RERE: variants seen among roughly 807,000 people sequenced by gnomAD.
RERE encodes arginine-glutamic acid dipeptide repeats protein.
RERE carries 40 observed loss-of-function variants against 146.1 expected under a neutral mutation model. The ratio of observed to expected loss-of-function variants is 0.27; its 90% CI spans 0.21 to 0.36. The LOEUF is 0.36. Ranked by LOEUF, RERE falls within the 10% of genes least tolerant of loss-of-function variation. RERE has a pLI of 1.00. For synonymous variants in RERE, 1,003 were observed against 866.0 expected (o/e 1.16, Z -2.78); for missense variants, 1,933 against 2,138.7 (o/e 0.90, Z 1.90).
chr1:8,483,312 T>G (rs1644859529), intron 10 of RERE, among the ~76,000 whole-genome samples: 1 of 152,182 alleles, frequency 6.6e-6, no homozygotes, highest in East Asian at 1.9e-4. Context: ...CTCACATGCT[T>G]AGGGAAAACT....
intron 11 of RERE, among the ~76,000 whole-genome samples, chr1:8,458,703 C>CT (rs1349202139): frequency 1.3e-5 from 2 of 152,040 alleles, no homozygotes; most frequent in East Asian, 3.8e-4. Flanking sequence ...GTTAAAGACA[C>CT]TAAGAAAAGA....
intron 7 of RERE, among the ~76,000 whole-genome samples, chr1:8,521,634 C>T (rs1399074982): frequency 6.6e-6 from 1 of 152,124 alleles, no homozygotes; most frequent in Non-Finnish European, 1.5e-5. Flanking sequence ...CTAATCTTTA[C>T]AAAAACTGTA....
At chr1:8,505,225 AAGAG>A (rs1020361310) in intron 8 of RERE, among the ~76,000 whole-genome samples, 18 of 152,218 alleles carry the variant, frequency 1.2e-4, no homozygotes, top group African/African-American at 7.2e-5. Flanking sequence ...AATATAAAGA[AAGAG>A]AGAAAGATAC....
intron 3 of RERE, among the ~76,000 whole-genome samples, chr1:8,615,268 A>C (rs1340941400): frequency 6.6e-6 from 1 of 152,220 alleles, no homozygotes; most frequent in Non-Finnish European, 1.5e-5. Context: ...GACAATATTC[A>C]CATGAGTTAT....
chr1:8,736,650 T>A (rs761957411), intron 1 of RERE, among the ~76,000 whole-genome samples: 4 of 152,080 alleles, frequency 2.6e-5, no homozygotes, highest in Non-Finnish European at 5.9e-5. Context: ...TTGGCTTATA[T>A]CATAGAAGAA....
At chr1:8,680,017 G>A (rs533068660) in intron 1 of RERE, among the ~76,000 whole-genome samples, 6 of 152,104 alleles carry the variant, frequency 3.9e-5, no homozygotes, top group Non-Finnish European at 8.8e-5. Flanking sequence ...CTATGGTACT[G>A]CCTTCAAAAT....
At chr1:8,657,158 A>C (rs1472391417) in intron 1 of RERE, among the ~76,000 whole-genome samples, 1 of 152,062 alleles carries the variant, frequency 6.6e-6, no homozygotes, top group Non-Finnish European at 1.5e-5. Context: ...AACAAAAATT[A>C]GCTGGGTGTG....
At chr1:8,787,029 T>C in intron 1 of RERE, 2 of 561,492 alleles carry the variant, frequency 3.6e-6, no homozygotes, top group Non-Finnish European at 6.3e-6. Flanking sequence ...ACACACCTGA[T>C]GAAAACCTTC....
At position 8,423,602 on chromosome 1, in the gene RERE, G is replaced by C; in HGVS notation, c.1204-795C>G. 1 of 985,232 alleles carries C rather than the reference G, an allele frequency of 1.0e-6. No individual in the cohort carries two copies. The highest frequency in any genetic ancestry group is 1.1e-4 in the East Asian group (1 of 8,768). The allele number at this position is 985,232 out of a possible 1,614,324, so 61.0% of individuals were successfully genotyped here. A position where few individuals can be genotyped will look rare whatever the true frequency, so the allele number is the denominator to read the frequency against. ...TGGTCCCGGGCGGCCGACCCCAGCA[G>C]CCACAGGTAAGCGCCCGGGGTCCGG... On this transcript the variant is annotated intron_variant, in intron 11 of 22. Transcript: ENST00000400908. This position sits in a 1 kb window ranked among gnomAD's most constrained non-coding sequence, Gnocchi z 5.4.
At chr1:8,582,966 A>G (rs1200078550) in intron 4 of RERE, among the ~76,000 whole-genome samples, 1 of 152,216 alleles carries the variant, frequency 6.6e-6, no homozygotes, top group Non-Finnish European at 1.5e-5. Flanking sequence ...AGACTAGATC[A>G]TATCAATGGG....
At chr1:8,486,126 T>C (rs1298740921) in intron 10 of RERE, among the ~76,000 whole-genome samples, 6 of 152,134 alleles carry the variant, frequency 3.9e-5, no homozygotes, top group Non-Finnish European at 7.4e-5. Context: ...CTTTCATACA[T>C]GTCTCTCAGT....
At chr1:8,500,374 T>C (rs1335120721) in intron 8 of RERE, among the ~76,000 whole-genome samples, 1 of 152,246 alleles carries the variant, frequency 6.6e-6, no homozygotes, top group Non-Finnish European at 1.5e-5. Flanking sequence ...AAATGCCTCT[T>C]AATCATAAGA....
intron 8 of RERE, among the ~76,000 whole-genome samples, chr1:8,505,097 T>G (rs1446631269): frequency 6.6e-6 from 1 of 152,162 alleles, no homozygotes; most frequent in Non-Finnish European, 1.5e-5. Flanking sequence ...TGAAATAGCT[T>G]CTTTACCACA....
rs116874809 is a variant in RERE at position 8,710,321 on chromosome 1, T to C, written c.-144-53880A>G. On this transcript the variant is annotated intron_variant, in intron 1 of 22. Transcript: ENST00000400908. ...GAATATACTGTTGCAGTCTACGTAA[T>C]ATACTCTTGAAAAATAACTAGAAAT... is the stretch of plus-strand genomic sequence containing the variant. Among the ~76,000 whole-genome samples the C allele has an allele frequency of 3.9e-5, 6 of 152,338 alleles. No individual in the cohort carries two copies. In the East Asian group the frequency reaches 1.2e-3, roughly 29 times the overall value.
At chr1:8,742,821 T>A (rs924758744) in intron 1 of RERE, among the ~76,000 whole-genome samples, 1 of 148,102 alleles carries the variant, frequency 6.8e-6, no homozygotes, top group African/African-American at 2.5e-5. Context: ...TGAGCTGTGA[T>A]CATGCCACTA....
At chr1:8,575,136 G>A (rs754823297) in intron 4 of RERE, among the ~76,000 whole-genome samples, 4 of 152,140 alleles carry the variant, frequency 2.6e-5, no homozygotes, top group Non-Finnish European at 5.9e-5. Flanking sequence ...CTCAAAGAAT[G>A]TGAAAGACAC....
At chr1:8,561,554 T>C (rs995131733) in intron 4 of RERE, among the ~76,000 whole-genome samples, 1 of 152,124 alleles carries the variant, frequency 6.6e-6, no homozygotes, top group Non-Finnish European at 1.5e-5. Flanking sequence ...CTATGCTCTC[T>C]TTCCATTCTT....
At chr1:8,587,173 A>G (rs1646437087) in intron 4 of RERE, among the ~76,000 whole-genome samples, 1 of 152,190 alleles carries the variant, frequency 6.6e-6, no homozygotes, top group Admixed American at 6.5e-5. Flanking sequence ...TGTCCTCTAT[A>G]GAAAATTACA....
At chr1:8,694,029 C>CA (rs144018056) in intron 1 of RERE, among the ~76,000 whole-genome samples, 33,606 of 120,412 alleles carry the variant, frequency 0.28, 4,571 homozygotes, top group Non-Finnish European at 0.33. Flanking sequence ...TTTTCTTTCC[C>CA]AAAAAAAAAA....
Sources: gnomAD v4.1 joint callset for allele counts (sites outside exome capture counted in the v4.1 genomes callset) on GRCh38, gnomAD v4.1.1 for gene constraint, Gnocchi (gnomAD v3.1) non-coding constraint, MANE v1.5 for transcripts, NCBI Gene and HGNC (gene_info 2026-07-23, HGNC 2026-07-21) for gene names.